ACACA: variants seen among roughly 807,000 people sequenced by gnomAD.
ACACA encodes acetyl-CoA carboxylase alpha.
A neutral mutation model predicts 296.1 loss-of-function variants in ACACA; 103 were observed. The observed-to-expected ratio is 0.35, with a 90% CI of 0.30 to 0.41. ACACA has a LOEUF of 0.41. ACACA is among the 10% of genes least tolerant of loss of function. The pLI, the probability that ACACA is intolerant of heterozygous loss-of-function variation, is 1.00. For synonymous variants in ACACA, 953 were observed against 1,038.6 expected (o/e 0.92, Z 1.58); for missense variants, 1,554 against 2,989.7 (o/e 0.52, Z 11.20).
At chr17:37,115,120 A>G (rs1454111372) in intron 50 of ACACA, among the ~76,000 whole-genome samples, 1 of 152,232 alleles carries the variant, frequency 6.6e-6, no homozygotes, top group African/African-American at 2.4e-5. Context: ...TACTCCATGT[A>G]TATGATCAGA....
At chr17:37,214,244 T>C (rs922260453) in intron 29 of ACACA, among the ~76,000 whole-genome samples, 9 of 152,138 alleles carry the variant, frequency 5.9e-5, no homozygotes, top group Non-Finnish European at 1.2e-4. Flanking sequence ...AAAATCCAAA[T>C]CAAGAACTGT....
chr17:37,194,933 A>ACCCC (rs111271581), intron 35 of ACACA, among the ~76,000 whole-genome samples: 6 of 150,440 alleles, frequency 4.0e-5, no homozygotes, highest in African/African-American at 1.5e-4. Context: ...ATTCTCTGAC[A>ACCCC]CCCCCCCCAC....
At chr17:37,274,861 T>C (rs2082209831) in intron 8 of ACACA, among the ~76,000 whole-genome samples, 1 of 152,180 alleles carries the variant, frequency 6.6e-6, no homozygotes. Context: ...GGAGAGGATA[T>C]TGCAATCTCC....
intron 39 of ACACA, among the ~76,000 whole-genome samples, chr17:37,187,246 T>A (rs2077573180): frequency 6.6e-6 from 1 of 152,244 alleles, no homozygotes. Context: ...TCATTCTGAC[T>A]ACTGTCCAAA....
chr17:37,321,778 A>G (rs2047370053), intron 3 of ACACA, among the ~76,000 whole-genome samples: 1 of 151,088 alleles, frequency 6.6e-6, no homozygotes, highest in African/African-American at 2.4e-5. Context: ...AATTAAAAAA[A>G]AATACAAATA....
At chr17:37,173,887 C>G (rs1378500158) in intron 41 of ACACA, among the ~76,000 whole-genome samples, 1 of 144,856 alleles carries the variant, frequency 6.9e-6, no homozygotes, top group Non-Finnish European at 1.5e-5. Context: ...GATCTTGGCT[C>G]GCTGCATCCT....
Position 37,406,464 on chromosome 17 carries a change from C to A in ACACA, c.-165G>T, listed in dbSNP as rs539442640. The A allele has an allele frequency of 4.2e-6, 3 of 708,612 alleles. No homozygotes were observed. The highest frequency in any genetic ancestry group is 4.5e-6 in the Non-Finnish European group (2 of 441,202). 43.9% of individuals were successfully genotyped at this position (708,612 alleles called of 1,614,324 possible). On this transcript the variant is annotated 5_prime_UTR_variant, in exon 1 of 56. Coordinates refer to ENST00000616317, the MANE Select transcript of ACACA (RefSeq NM_198834.3). ...CACGAGCAGCCCTTCGGGGCCCGGA[C>A]TGGAGAGGCGCCACGGCTCGCCGTC...
rs2083147360 is a variant in ACACA, at chr17:37,293,021, A to C, written c.339-8051T>G. 4.6e-5 allele frequency among the ~76,000 whole-genome samples: 7 copies of C among 152,266 alleles called. No homozygotes were observed. In the South Asian group the frequency reaches 1.4e-3, roughly 32 times the overall value. ...CTTCATGCTTAACTATATATTAAAA[A>C]AACTGGCAAACTGCCGACACATTTT... On this transcript the variant is annotated intron_variant, in intron 3 of 55. Coordinates refer to ENST00000616317, the MANE Select transcript of ACACA (RefSeq NM_198834.3).
At chr17:37,400,077 T>C (rs553973137) in intron 1 of ACACA, among the ~76,000 whole-genome samples, 97 of 152,202 alleles carry the variant, frequency 6.4e-4, no homozygotes, top group African/African-American at 2.2e-3. Flanking sequence ...AACTAAAATC[T>C]ACTCTCTTAG....
intron 48 of ACACA, among the ~76,000 whole-genome samples, chr17:37,123,256 G>A (rs2074611671): frequency 6.6e-6 from 1 of 152,080 alleles, no homozygotes; most frequent in South Asian, 2.1e-4. Flanking sequence ...CTCCTTCCTT[G>A]GAAAAGACAA....
chr17:37,382,444 T>C (rs1039804493), intron 1 of ACACA, among the ~76,000 whole-genome samples: 3 of 151,624 alleles, frequency 2.0e-5, no homozygotes, highest in East Asian at 1.9e-4. Context: ...AAAAATAAAA[T>C]AAAACTTGAC....
At chr17:37,386,545 T>C (rs2050539185) in intron 1 of ACACA, among the ~76,000 whole-genome samples, 2 of 152,084 alleles carry the variant, frequency 1.3e-5, no homozygotes, top group South Asian at 4.1e-4. Context: ...TGAGCCGAGA[T>C]TGTCCCACTG....
rs553286949 is a variant in ACACA, at chr17:37,089,884, G to A, written c.6892-810C>T. Among the ~76,000 whole-genome samples, 24 of 152,214 alleles carry A rather than the reference G, an allele frequency of 1.6e-4. 1 individual carries two copies. In the South Asian group the frequency reaches 3.3e-3, roughly 21 times the overall value. On this transcript the variant is annotated intron_variant, in intron 54 of 55. Transcript: ENST00000616317. ...TTTCTTTACAAATCATTTAGGAATC[G>A]TTTTGTTAATGGTTTCCGGAAAACC...
At chr17:37,236,170 A>T (rs1349445378) in intron 24 of ACACA, among the ~76,000 whole-genome samples, 4 of 152,244 alleles carry the variant, frequency 2.6e-5, no homozygotes, top group African/African-American at 9.6e-5. Flanking sequence ...GGACCAGTGT[A>T]ACCAGGCTTT....
chr17:37,275,105 G>A (rs1437276992), intron 8 of ACACA, among the ~76,000 whole-genome samples: 3 of 152,206 alleles, frequency 2.0e-5, no homozygotes, highest in Non-Finnish European at 4.4e-5. Flanking sequence ...CTGGAAGAAA[G>A]GTTAATTACT....
chr17:37,273,556 C>T (rs952092874), intron 9 of ACACA, among the ~76,000 whole-genome samples: 2 of 152,228 alleles, frequency 1.3e-5, no homozygotes, highest in Admixed American at 1.3e-4. Flanking sequence ...CCTTTGGGAT[C>T]AGCCCACTGC....
intron 54 of ACACA, among the ~76,000 whole-genome samples, chr17:37,091,959 C>G (rs893639686): frequency 6.6e-6 from 1 of 152,088 alleles, no homozygotes; most frequent in African/African-American, 2.4e-5. Context: ...CAACCTTATT[C>G]CCAGGAAGAA....
intron 11 of ACACA, among the ~76,000 whole-genome samples, chr17:37,260,031 G>A (rs999845235): frequency 2.7e-5 from 4 of 150,808 alleles, no homozygotes; most frequent in East Asian, 3.9e-4. Flanking sequence ...ACAGGCATGC[G>A]CCACCATGCC....
At chr17:37,151,978 G>T (rs1597987154) in intron 43 of ACACA, among the ~76,000 whole-genome samples, 1 of 149,842 alleles carries the variant, frequency 6.7e-6, no homozygotes, top group Non-Finnish European at 1.5e-5. Flanking sequence ...GTTTTTTTTA[G>T]TAGAGACGGG....
Sources: gnomAD v4.1 joint callset for allele counts (sites outside exome capture counted in the v4.1 genomes callset) on GRCh38, gnomAD v4.1.1 for gene constraint, MANE v1.5 for transcripts, NCBI Gene and HGNC (gene_info 2026-07-23, HGNC 2026-07-21) for gene names.